Variants in RPTOR observed in about 807,000 individuals in gnomAD.
RPTOR encodes the protein regulatory associated protein of MTOR complex 1.
RPTOR carries 21 observed loss-of-function variants against 169.9 expected under a neutral mutation model. That is an observed-to-expected ratio of 0.12 (90% confidence interval 0.09 to 0.18). RPTOR has a LOEUF of 0.18. RPTOR is among the 10% of genes least tolerant of loss of function. The pLI is 1.00. For missense variants in RPTOR, 1,133 were observed against 1,855.9 expected, an observed-to-expected ratio of 0.61 and a Z score of 7.16; for synonymous variants, 732 against 753.2, an observed-to-expected ratio of 0.97 and a Z score of 0.46.
intron 11 of RPTOR, among the ~76,000 whole-genome samples, 173 bp from the exon 12 acceptor site, chr17:80,855,291 T>C (rs927565066): frequency 6.6e-6 from 1 of 152,248 alleles, no homozygotes. Flanking sequence ...TTTCTTCACC[T>C]GTCTAAAAGC....
rs758990636 is a variant in RPTOR at position 80,959,773 on chromosome 17, G to C, written c.3478-305G>C. Among the ~76,000 whole-genome samples, 1 of 152,192 alleles carries C rather than the reference G, an allele frequency of 6.6e-6. No homozygotes were observed. The highest frequency in any genetic ancestry group is 1.5e-5 in the Non-Finnish European group (1 of 68,022). On this transcript the variant is annotated intron_variant, in intron 29 of 33. Transcript: ENST00000306801. This position sits in a 1 kb window ranked among gnomAD's most constrained non-coding sequence, Gnocchi z 6.7. ...TTCCCAGAGGCGTTTGCAGGCCTCCGCTCGGGGTGGGGCTGGCCTCTGCCT... is the reference window on the plus strand; with the variant it reads ...TTCCCAGAGGCGTTTGCAGGCCTCCCCTCGGGGTGGGGCTGGCCTCTGCCT...
In RPTOR at chr17:80,707,727, T is replaced by C; in HGVS notation, c.349-114T>C. 2 of 931,844 alleles carry C rather than the reference T, an allele frequency of 2.1e-6. No individual in the cohort carries two copies. Among genetic ancestry groups the C allele is most frequent in the East Asian group, 5.4e-5 (2 of 37,216 alleles). The allele number at this position is 931,844 out of a possible 1,614,324, so 57.7% of individuals were successfully genotyped here. Reference sequence around the variant, plus strand: ...TTATAGATGGAGAAACTCAGAGCCATGTGTCCAGGACCACACAGCTATTAA... The same window carrying C: ...TTATAGATGGAGAAACTCAGAGCCACGTGTCCAGGACCACACAGCTATTAA... On this transcript the variant is annotated intron_variant, in intron 3 of 33. Transcript: ENST00000306801. The surrounding 1 kb of genome is among the most constrained non-coding windows in gnomAD (Gnocchi z 5.0).
chr17:80,923,433 C>T, intron 22 of RPTOR, 57 bp from the exon 23 acceptor site: 2 of 1,601,596 alleles, frequency 1.2e-6, no homozygotes, highest in South Asian at 1.1e-5. Context: ...TCCATGTTCC[C>T]TCTCGAAGCC....
At chr17:80,889,709 G>A (rs1321894845) in intron 17 of RPTOR, among the ~76,000 whole-genome samples, 1 of 152,188 alleles carries the variant, frequency 6.6e-6, no homozygotes, top group Non-Finnish European at 1.5e-5. Context: ...TTCAGGAAGG[G>A]CAGGAAGGGT....
At chr17:80,788,634 T>C (rs2067017315) in intron 6 of RPTOR, among the ~76,000 whole-genome samples, 1 of 152,216 alleles carries the variant, frequency 6.6e-6, no homozygotes, top group African/African-American at 2.4e-5. Context: ...ATTTTCATTG[T>C]CTTTTTAATA....
intron 13 of RPTOR, among the ~76,000 whole-genome samples, chr17:80,875,788 G>GGT (rs2068101796): frequency 2.0e-5 from 3 of 147,300 alleles, no homozygotes; most frequent in Non-Finnish European, 4.5e-5. Flanking sequence ...TGCCACGCAG[G>GGT]GTGTGTGTGT....
In RPTOR at chr17:80,829,678, G is replaced by A. The variant is rs543454568; in HGVS notation, c.1136+6455G>A. On this transcript the variant is annotated intron_variant, in intron 9 of 33. Transcript: ENST00000306801. ...GTGCCGCGTGCATGGAGAGGGCGGC[G>A]TCCACGGCGACTTGTGGCCGAGTCT... 1.4e-4 allele frequency among the ~76,000 whole-genome samples: 22 copies of A among 152,302 alleles called. No individual in the cohort carries two copies. The East Asian group carries it at 1.9e-3, about 13-fold the overall frequency.
At chr17:80,927,762 T>C (rs1487237104) in intron 24 of RPTOR, among the ~76,000 whole-genome samples, 1 of 140,788 alleles carries the variant, frequency 7.1e-6, no homozygotes, top group Non-Finnish European at 1.5e-5. Flanking sequence ...GTCTATTTGT[T>C]CCGGTGTGTG....
chr17:80,853,794 C>T (rs1001472150), intron 11 of RPTOR, among the ~76,000 whole-genome samples: 1 of 152,152 alleles, frequency 6.6e-6, no homozygotes, highest in Non-Finnish European at 1.5e-5. Flanking sequence ...CTGCCTAATG[C>T]AGTGAAACCC....
intron 1 of RPTOR, among the ~76,000 whole-genome samples, chr17:80,587,360 C>A (rs959535120): frequency 3.9e-5 from 6 of 152,194 alleles, no homozygotes; most frequent in African/African-American, 9.7e-5. Context: ...TGTGTAGCGG[C>A]GGTTATTCTT....
intron 23 of RPTOR, among the ~76,000 whole-genome samples, chr17:80,924,739 G>GT (rs2068791107): frequency 6.6e-6 from 1 of 152,218 alleles, no homozygotes; most frequent in South Asian, 2.1e-4. Context: ...AAGACACAGC[G>GT]TGAGAGACGC....
chr17:80,822,165 G>C, intron 7 of RPTOR, 36 bp from the exon 8 acceptor site: 2 of 1,590,250 alleles, frequency 1.3e-6, no homozygotes, highest in Admixed American at 3.3e-5. Context: ...TCTCAGAGCT[G>C]TGGCATCACT....
intron 9 of RPTOR, among the ~76,000 whole-genome samples, chr17:80,824,053 A>G (rs2067412650): frequency 6.6e-6 from 1 of 152,242 alleles, no homozygotes; most frequent in African/African-American, 2.4e-5. Flanking sequence ...TTAAACGTGT[A>G]CAGGACCACT....
At position 80,806,111 on chromosome 17, in the gene RPTOR, G is replaced by A. The variant is rs997802841; in HGVS notation, c.890+14602G>A. 2.6e-5 allele frequency among the ~76,000 whole-genome samples: 4 copies of A among 152,272 alleles called. 1 individual carries two copies. Among genetic ancestry groups the A allele is most frequent in the Admixed American group, 2.6e-4 (4 of 15,294 alleles). On this transcript the variant is annotated intron_variant, in intron 7 of 33. Coordinates refer to ENST00000306801, the MANE Select transcript of RPTOR (RefSeq NM_020761.3). Reference sequence around the variant, plus strand: ...ATCATTAAAAAACAAGCCGCCTCTGGTGGTTTTTAAAAAGCCAGTCAGCTT... The same window carrying A: ...ATCATTAAAAAACAAGCCGCCTCTGATGGTTTTTAAAAAGCCAGTCAGCTT...
chr17:80,669,139 C>T (rs1306034651), intron 3 of RPTOR, among the ~76,000 whole-genome samples: 2 of 152,172 alleles, frequency 1.3e-5, no homozygotes, highest in African/African-American at 4.8e-5. Flanking sequence ...CAGGAGCAGC[C>T]AGGGGCTGGG....
intron 6 of RPTOR, chr17:80,774,005 G>T: frequency 1.0e-6 from 1 of 985,448 alleles, no homozygotes; most frequent in Non-Finnish European, 1.2e-6. Flanking sequence ...AAAGGACGAG[G>T]CTGAGTCAGG....
chr17:80,616,106 C>G (rs746220902), intron 1 of RPTOR, among the ~76,000 whole-genome samples: 11 of 152,052 alleles, frequency 7.2e-5, no homozygotes, highest in Non-Finnish European at 1.5e-4. Context: ...TTTGATGAAG[C>G]CTGTACCATG....
chr17:80,897,209 A>C (rs2068417721), intron 20 of RPTOR, among the ~76,000 whole-genome samples: 1 of 151,278 alleles, frequency 6.6e-6, no homozygotes, highest in African/African-American at 2.4e-5. Flanking sequence ...AGATCACACC[A>C]CTGCACTCCA....
rs1025877741 is a variant in RPTOR at position 80,965,932 on chromosome 17, C to A, written c.*1602C>A. 1 of 233,372 alleles carries A rather than the reference C, an allele frequency of 4.3e-6. No individual in the cohort carries two copies. The highest frequency in any genetic ancestry group is 8.5e-6 in the Non-Finnish European group (1 of 118,102). 14.5% of individuals were successfully genotyped at this position (233,372 alleles called of 1,614,324 possible). On this transcript the variant is annotated 3_prime_UTR_variant, in exon 34 of 34. Coordinates refer to ENST00000306801, the MANE Select transcript of RPTOR (RefSeq NM_020761.3). The stretch of plus-strand genomic sequence containing the variant: ...CGGGTCCGGAAGGTGTAGAGAGTCC[C>A]GGCCTCACTCAGCTCACAGGGCGTG...
Sources: allele counts gnomAD v4.1 joint callset (sites outside exome capture counted in the v4.1 genomes callset), GRCh38; gene constraint gnomAD v4.1.1; non-coding constraint Gnocchi (gnomAD v3.1); transcripts MANE v1.5; gene names NCBI Gene and HGNC (gene_info 2026-07-23, HGNC 2026-07-21).